The following RASSF5 variants were observed in gnomAD, a reference collection of about 807,000 sequenced individuals.
RASSF5 encodes Ras association domain family member 5, also known as ras association domain-containing protein 5.
Under a neutral mutation model 40.5 loss-of-function variants are expected in RASSF5, and 25 were observed. The ratio of observed to expected loss-of-function variants is 0.62; its 90% confidence interval spans 0.45 to 0.86. The LOEUF is 0.86. RASSF5 is among the 40% of genes least tolerant of loss of function. The pLI, the probability that RASSF5 is intolerant of heterozygous loss-of-function variation, is 0.00. For synonymous variants in RASSF5, 246 were observed against 252.4 expected (o/e 0.97, Z 0.24); for missense variants, 521 against 572.8 (o/e 0.91, Z 0.92).
At chr1:206,516,749 G>T (rs141445997) in intron 1 of RASSF5, among the ~76,000 whole-genome samples, 7 of 152,176 alleles carry the variant, frequency 4.6e-5, no homozygotes, top group Non-Finnish European at 1.0e-4. Context: ...CAGCCACCAC[G>T]CCTGGCCGTG....
intron 1 of RASSF5, among the ~76,000 whole-genome samples, chr1:206,534,403 A>G (rs1667328172): frequency 1.3e-5 from 2 of 152,198 alleles, no homozygotes; most frequent in Admixed American, 1.3e-4. Flanking sequence ...CAATGTCAAT[A>G]TCAAGAAATG....
intron 1 of RASSF5, among the ~76,000 whole-genome samples, chr1:206,519,965 G>A (rs909735293): frequency 6.6e-6 from 1 of 152,136 alleles, no homozygotes; most frequent in East Asian, 1.9e-4. Flanking sequence ...AAATGCTCAC[G>A]AGCAAGTTGG....
At position 206,584,266 on chromosome 1, in the gene RASSF5, G is replaced by A. The variant is rs981276678; in HGVS notation, c.691-121G>A. 5 of 944,024 alleles carry A rather than the reference G, an allele frequency of 5.3e-6. No individual in the cohort carries two copies. The African/African-American group carries it at 6.7e-5, about 13-fold the overall frequency. 58.5% of individuals were successfully genotyped at this position (944,024 alleles called of 1,614,324 possible). ...TCCTTCCTCCAGCTCTCCCACGTCAGCAGAGGCAGGAAAGAACTCAAGGAG... is the reference window on the plus strand; with the variant it reads ...TCCTTCCTCCAGCTCTCCCACGTCAACAGAGGCAGGAAAGAACTCAAGGAG... On this transcript the variant is annotated intron_variant, in intron 3 of 5. Transcript: ENST00000579436. The surrounding 1 kb of genome is among the most constrained non-coding windows in gnomAD (Gnocchi z 4.9).
chr1:206,525,499 C>T (rs1219564985), intron 1 of RASSF5, among the ~76,000 whole-genome samples: 6 of 152,182 alleles, frequency 3.9e-5, no homozygotes, highest in African/African-American at 1.4e-4. Flanking sequence ...AGCTTGAACT[C>T]CTGGGCTTGA....
chr1:206,574,813 C>A (rs142612015), intron 2 of RASSF5, among the ~76,000 whole-genome samples: 20 of 144,878 alleles, frequency 1.4e-4, no homozygotes, highest in Non-Finnish European at 2.6e-4. Flanking sequence ...AGGGATTCCT[C>A]TTTCTCATTT....
chr1:206,576,923 C>A (rs565722073), intron 2 of RASSF5, among the ~76,000 whole-genome samples: 1 of 152,226 alleles, frequency 6.6e-6, no homozygotes, highest in East Asian at 1.9e-4. Flanking sequence ...CCCACCTCAG[C>A]CTCCTGAGTA....
intron 2 of RASSF5, chr1:206,557,488 G>C: frequency 6.3e-7 from 1 of 1,585,566 alleles, no homozygotes; most frequent in East Asian, 2.3e-5. Context: ...AGCGGAGCCC[G>C]GGGAGGGGTG....
At chr1:206,586,543 C>T (rs984596407) in intron 5 of RASSF5, 6 of 299,050 alleles carry the variant, frequency 2.0e-5, no homozygotes, top group South Asian at 3.6e-5. Context: ...GTCAAGATCT[C>T]GGCTGCTACA....
intron 2 of RASSF5, among the ~76,000 whole-genome samples, chr1:206,541,555 G>T (rs1009045656): frequency 1.3e-5 from 2 of 152,182 alleles, no homozygotes; most frequent in Non-Finnish European, 2.9e-5. Context: ...AGAAATGAGG[G>T]TTTTGGAGTT....
At chr1:206,518,240 C>T (rs782153881) in intron 1 of RASSF5, 13 of 393,690 alleles carry the variant, frequency 3.3e-5, no homozygotes, top group Non-Finnish European at 5.8e-5. Context: ...CAGAAGGCAT[C>T]GTCAGTCGTT....
chr1:206,544,743 G>GT (rs1667631303), intron 2 of RASSF5: 1 of 152,176 alleles, frequency 6.6e-6, no homozygotes, highest in Non-Finnish European at 1.5e-5. Context: ...CCTTAGCAGG[G>GT]CCCCTGCTGC....
chr1:206,541,622 G>A (rs996283959), intron 2 of RASSF5: 5 of 152,130 alleles, frequency 3.3e-5, no homozygotes, highest in Non-Finnish European at 5.9e-5. Context: ...GCACCCATGC[G>A]TGACCAAGCA....
At chr1:206,556,143 C>T (rs928572813) in intron 2 of RASSF5, among the ~76,000 whole-genome samples, 37 of 152,182 alleles carry the variant, frequency 2.4e-4, no homozygotes, top group Admixed American at 7.9e-4. Flanking sequence ...GGACTCCAGC[C>T]CCCACTGTAT....
At position 206,558,762 on chromosome 1, in the gene RASSF5, G is replaced by A. The variant is rs115239547; in HGVS notation, c.579+20469G>A. Among the ~76,000 whole-genome samples the A allele has an allele frequency of 3.1e-3, 476 of 152,304 alleles. 1 individual carries two copies. The highest frequency in any genetic ancestry group is 7.1e-3 in the Admixed American group (108 of 15,302). Reference sequence around the variant, plus strand: ...AGAGATTGTGATTTTATGTTTGAAGGAGTCAACTAAAATAGGCCCCTGTAA... The same window carrying A: ...AGAGATTGTGATTTTATGTTTGAAGAAGTCAACTAAAATAGGCCCCTGTAA... On this transcript the variant is annotated intron_variant, in intron 2 of 5. Transcript: ENST00000579436.
intron 1 of RASSF5, among the ~76,000 whole-genome samples, chr1:206,530,041 G>A (rs557717767): frequency 6.6e-6 from 1 of 152,228 alleles, no homozygotes; most frequent in Non-Finnish European, 1.5e-5. Context: ...ACTGAGTAAT[G>A]GTACCTGATG....
chr1:206,520,621 A>AG (rs1274182494), intron 1 of RASSF5, among the ~76,000 whole-genome samples: 51 of 151,370 alleles, frequency 3.4e-4, no homozygotes, highest in African/African-American at 8.7e-4. Context: ...AAAAAAAAAA[A>AG]AGAGAAAAGA....
intron 2 of RASSF5, chr1:206,544,630 G>A (rs1667628100): frequency 6.6e-6 from 1 of 151,504 alleles, no homozygotes; most frequent in Admixed American, 6.6e-5. Flanking sequence ...AGGAGCAGAT[G>A]GCTTCCAGGG....
chr1:206,528,919 T>C (rs1667165136), intron 1 of RASSF5: 6 of 594,880 alleles, frequency 1.0e-5, no homozygotes, highest in South Asian at 9.0e-5. Flanking sequence ...CCCAAGATGC[T>C]GAAAGGAAAG....
chr1:206,514,326 A>G (rs1471548299), intron 1 of RASSF5, among the ~76,000 whole-genome samples: 1 of 152,082 alleles, frequency 6.6e-6, no homozygotes, highest in South Asian at 2.1e-4. Context: ...CCTACCTATA[A>G]CTACTGCCCT....
Sources: gnomAD v4.1 joint callset for allele counts (sites outside exome capture counted in the v4.1 genomes callset) on GRCh38, gnomAD v4.1.1 for gene constraint, Gnocchi (gnomAD v3.1) non-coding constraint, MANE v1.5 for transcripts, NCBI Gene and HGNC (gene_info 2026-07-23, HGNC 2026-07-21) for gene names.